The following PCYT1A variants were observed in gnomAD, a reference collection of about 807,000 sequenced individuals.
PCYT1A encodes the protein choline-phosphate cytidylyltransferase A.
In PCYT1A, 25 loss-of-function variants were observed where a neutral mutation model predicts 43.7. The ratio of observed to expected loss-of-function variants is 0.57; its 90% CI spans 0.42 to 0.80. PCYT1A has a LOEUF of 0.80. Among genes scored for constraint, PCYT1A ranks in the 30% least tolerant of loss-of-function variants. PCYT1A has a pLI of 0.00. For missense variants in PCYT1A, 421 were observed against 474.2 expected (o/e 0.89, Z 1.04); for synonymous variants, 172 against 170.7 (o/e 1.01, Z -0.06).
At chr3:196,263,114 T>C (rs1327916278) in intron 2 of PCYT1A, among the ~76,000 whole-genome samples, 1 of 152,204 alleles carries the variant, frequency 6.6e-6, no homozygotes, top group African/African-American at 2.4e-5. Flanking sequence ...TAAATATTTT[T>C]CAGCAAAAAG....
intron 5 of PCYT1A, among the ~76,000 whole-genome samples, chr3:196,244,657 A>T (rs1195157518): frequency 6.6e-6 from 1 of 152,148 alleles, no homozygotes; most frequent in Non-Finnish European, 1.5e-5. Flanking sequence ...GAAAAGGGGG[A>T]AATGTGGGGA....
rs148921946 is a variant in PCYT1A at position 196,260,820 on chromosome 3, A to G, written c.118-2933T>C. ...TTGTGCTACCGTACTCGTCTGGGAG[A>G]TAGAGAAAGACTCTGCCTCAAAAAA... On this transcript the variant is annotated intron_variant, in intron 2 of 8. Transcript: ENST00000431016. Among the ~76,000 whole-genome samples, 784 of 152,342 alleles carry G rather than the reference A, an allele frequency of 5.1e-3. 5 individuals carry two copies. The highest frequency in any genetic ancestry group is 0.018 in the African/African-American group (748 of 41,570).
intron 3 of PCYT1A, among the ~76,000 whole-genome samples, chr3:196,256,229 C>T (rs1198455846): frequency 6.6e-6 from 1 of 152,234 alleles, no homozygotes; most frequent in East Asian, 1.9e-4. Flanking sequence ...CGGTGGCTCA[C>T]GCCTGCAATC....
intron 5 of PCYT1A, among the ~76,000 whole-genome samples, chr3:196,245,095 C>CATAAATAAATGA (rs1724518987): frequency 6.8e-6 from 1 of 147,824 alleles, no homozygotes; most frequent in South Asian, 2.1e-4. Context: ...AATAAAAATA[C>CATAAATAAATGA]ATAAATAAAT....
rs1349724999 is a variant in PCYT1A, at chr3:196,268,802, CAAATAAAAAT to C, written c.117+1603_117+1612del. ...AAAGCGAGACTCTGTCTCAAAAATA[CAAATAAAAAT>C]AAATAAAAATAAAAATAGTAAAGAG... is the stretch of plus-strand genomic sequence containing the variant. On this transcript the variant is annotated intron_variant, in intron 2 of 8. Transcript: ENST00000431016. This position sits in a 1 kb window ranked among gnomAD's most constrained non-coding sequence, Gnocchi z 4.4. Among the ~76,000 whole-genome samples, 1 of 151,724 alleles carries C rather than the reference CAAATAAAAAT, an allele frequency of 6.6e-6. No homozygotes were observed. Among genetic ancestry groups the C allele is most frequent in the African/African-American group, 2.4e-5 (1 of 41,290 alleles).
intron 1 of PCYT1A, among the ~76,000 whole-genome samples, chr3:196,281,376 A>G (rs760235777): frequency 1.4e-4 from 21 of 152,240 alleles, no homozygotes; most frequent in Non-Finnish European, 2.5e-4. Context: ...GCTAAGCGAA[A>G]GTAGGGAAAA....
At position 196,258,303 on chromosome 3, in the gene PCYT1A, A is replaced by T. The variant is rs1032972136; in HGVS notation, c.118-416T>A. 2.7e-4 allele frequency among the ~76,000 whole-genome samples: 39 copies of T among 146,358 alleles called. No individual in the cohort carries two copies. The Middle Eastern group carries it at 0.011, about 40-fold the overall frequency. On this transcript the variant is annotated intron_variant, in intron 2 of 8. Coordinates refer to ENST00000431016, the MANE Select transcript of PCYT1A (RefSeq NM_001312673.2). ...TCCACCTCAAAAAAAAAAAAAAAAGAGTTTTTGTTATTCCTATGTATTTTA... is the reference window on the plus strand; with the variant it reads ...TCCACCTCAAAAAAAAAAAAAAAAGTGTTTTTGTTATTCCTATGTATTTTA...
chr3:196,257,930 G>T, intron 2 of PCYT1A, 43 bp from the exon 3 acceptor site: 1 of 1,141,018 alleles, frequency 8.8e-7, no homozygotes, highest in Non-Finnish European at 1.3e-6. Context: ...TCAACTCAAT[G>T]GCATACACTG....
chr3:196,265,768 C>T (rs1577369118), intron 2 of PCYT1A, among the ~76,000 whole-genome samples: 2 of 151,912 alleles, frequency 1.3e-5, no homozygotes, highest in African/African-American at 2.4e-5. Context: ...GACGGAGTCT[C>T]GCTCTGTCGC....
Position 196,242,184 on chromosome 3 carries a change from T to C in PCYT1A, c.566-94A>G, listed in dbSNP as rs1724378955. 7.9e-7 allele frequency: 1 copy of C among 1,264,536 alleles called. No homozygotes were observed. The highest frequency in any genetic ancestry group is 1.1e-6 in the Non-Finnish European group (1 of 878,668). The allele number at this position is 1,264,536 out of a possible 1,614,324, so 78.3% of individuals were successfully genotyped here. A position where few individuals can be genotyped will look rare whatever the true frequency, so the allele number is the denominator to read the frequency against. On this transcript the variant is annotated intron_variant, in intron 6 of 8. Coordinates refer to ENST00000431016, the MANE Select transcript of PCYT1A (RefSeq NM_001312673.2). The surrounding 1 kb of genome is among the most constrained non-coding windows in gnomAD (Gnocchi z 4.2). ...AAATTGGGGGCAACATTCCTTTCCTTTCCTCAAAAAGCAGAATCTGTTATT... is the reference window on the plus strand; with the variant it reads ...AAATTGGGGGCAACATTCCTTTCCTCTCCTCAAAAAGCAGAATCTGTTATT...
At chr3:196,267,356 G>A in intron 2 of PCYT1A, 1 of 455,662 alleles carries the variant, frequency 2.2e-6, no homozygotes, top group South Asian at 1.6e-5. Flanking sequence ...GCTTCCAGAG[G>A]CTGGAGAGAC....
At chr3:196,267,040 G>A (rs1019585659) in intron 2 of PCYT1A, among the ~76,000 whole-genome samples, 2 of 152,206 alleles carry the variant, frequency 1.3e-5, no homozygotes, top group African/African-American at 2.4e-5. Context: ...TCAGCCGGAT[G>A]TGGTGGCTGG....
intron 1 of PCYT1A, among the ~76,000 whole-genome samples, chr3:196,274,070 A>G (rs980838373): frequency 6.6e-6 from 1 of 152,242 alleles, no homozygotes; most frequent in Admixed American, 6.5e-5. Context: ...GCATGTCAGC[A>G]CTGCCCCTAG....
chr3:196,253,098 G>C (rs1182804417), intron 3 of PCYT1A, among the ~76,000 whole-genome samples: 1 of 152,060 alleles, frequency 6.6e-6, no homozygotes. Context: ...AGCACTTTGG[G>C]AGGCCAAGGC....
At position 196,248,413 on chromosome 3, in the gene PCYT1A, C is replaced by G. The variant is rs3772107; in HGVS notation, c.218-90G>C. ...TTGAGGCCGAGTCTCACTCTGTCAC[C>G]CAGGCTGGAGTGCAGTGGCGTGATC... is the stretch of plus-strand genomic sequence containing the variant. On this transcript the variant is annotated intron_variant, in intron 3 of 8. Coordinates refer to ENST00000431016, the MANE Select transcript of PCYT1A (RefSeq NM_001312673.2). 201,039 of 729,816 alleles carry G rather than the reference C, an allele frequency of 0.28. 34,863 individuals are homozygous for G. The highest frequency in any genetic ancestry group is 0.77 in the East Asian group (25,792 of 33,610). The allele number at this position is 729,816 out of a possible 1,614,324, so 45.2% of individuals were successfully genotyped here.
intron 7 of PCYT1A, chr3:196,240,914 T>G (rs138974942): frequency 5.7e-4 from 86 of 152,120 alleles, no homozygotes; most frequent in African/African-American, 1.9e-3. Flanking sequence ...TCAGGGAGCA[T>G]GGTAAACTGG....
chr3:196,263,845 G>A (rs1725189126), intron 2 of PCYT1A, among the ~76,000 whole-genome samples: 1 of 152,032 alleles, frequency 6.6e-6, no homozygotes, highest in Non-Finnish European at 1.5e-5. Flanking sequence ...TGTTGGCCAG[G>A]ATGGTCTCGA....
At chr3:196,283,062 G>A (rs950599340) in intron 1 of PCYT1A, among the ~76,000 whole-genome samples, 3 of 152,240 alleles carry the variant, frequency 2.0e-5, no homozygotes, top group Non-Finnish European at 4.4e-5. Flanking sequence ...AAGGGGCAAG[G>A]CACAGTGGCT....
At chr3:196,266,618 G>A (rs1390891402) in intron 2 of PCYT1A, among the ~76,000 whole-genome samples, 1 of 151,382 alleles carries the variant, frequency 6.6e-6, no homozygotes, top group Admixed American at 6.6e-5. Flanking sequence ...GGCCGGACGT[G>A]GTGGCCCACA....
Sources: allele counts gnomAD v4.1 joint callset (sites outside exome capture counted in the v4.1 genomes callset), GRCh38; gene constraint gnomAD v4.1.1; non-coding constraint Gnocchi (gnomAD v3.1); transcripts MANE v1.5; gene names NCBI Gene and HGNC (gene_info 2026-07-23, HGNC 2026-07-21).